The following BPTF variants were observed in gnomAD, a reference collection of about 807,000 sequenced individuals.
BPTF encodes the protein bromodomain PHD finger transcription factor, also known as nucleosome-remodeling factor subunit BPTF.
Under a neutral mutation model 292.5 loss-of-function variants are expected in BPTF, and 18 were observed. That is an observed-to-expected ratio of 0.06 (90% CI 0.04 to 0.09). BPTF has a LOEUF of 0.09. Ranked by LOEUF, BPTF falls within the 10% of genes least tolerant of loss-of-function variation. The pLI, the probability that BPTF is intolerant of heterozygous loss-of-function variation, is 1.00. For missense variants in BPTF, 2,726 were observed against 3,498.7 expected (o/e 0.78, Z 5.57); for synonymous variants, 1,225 against 1,251.9 (o/e 0.98, Z 0.45).
intron 7 of BPTF, among the ~76,000 whole-genome samples, chr17:67,895,103 A>G (rs980120003): frequency 6.6e-6 from 1 of 152,178 alleles, no homozygotes; most frequent in African/African-American, 2.4e-5. Flanking sequence ...AGTTTTTAAA[A>G]TATAAATACA....
intron 23 of BPTF, chr17:67,956,454 A>G (rs1219242245): frequency 1.3e-5 from 2 of 151,792 alleles, no homozygotes; most frequent in Non-Finnish European, 2.9e-5. Flanking sequence ...AGTAGCTGGC[A>G]CTATAGGCAT....
intron 3 of BPTF, among the ~76,000 whole-genome samples, chr17:67,867,327 T>C (rs1199844636): frequency 3.3e-5 from 5 of 152,266 alleles, no homozygotes; most frequent in African/African-American, 1.2e-4. Flanking sequence ...TTTGAACTTT[T>C]TGCCTTTTTA....
intron 26 of BPTF, 100 bp from the exon 27 acceptor site, chr17:67,975,672 G>A (rs892531314): frequency 9.4e-7 from 1 of 1,067,230 alleles, no homozygotes. Flanking sequence ...CTCCAGGACT[G>A]CTTGCACAGT....
intron 1 of BPTF, among the ~76,000 whole-genome samples, chr17:67,851,087 G>C (rs1414520780): frequency 6.6e-6 from 1 of 152,116 alleles, no homozygotes; most frequent in Admixed American, 6.5e-5. Flanking sequence ...GGAAGCAACA[G>C]CCTGGGCTCC....
Position 67,825,816 on chromosome 17 carries a change from C to G in BPTF, c.92C>G (p.Pro31Arg). Residue 31 changes from proline (P) to arginine (R), a missense_variant, in exon 1 of 28, where the codon CCC becomes CGC. Pro to Arg is a moderately radical substitution (Grantham distance 103, BLOSUM62 -2). This residue lies in a region of BPTF where 31 missense variants were observed against 53.6 expected (regional missense o/e 0.58). Coordinates refer to ENST00000306378, the MANE Select transcript of BPTF (RefSeq NM_182641.4). ...APAPPPPPPP[P>R]TSGPIGGLRS... is the part of the protein sequence containing the mutation. The stretch of plus-strand genomic sequence containing the variant: ...GCCCCGCCGCCACCGCCGCCGCCGC[C>G]CACGTCCGGACCCATCGGGGGGCTC... The G allele has an allele frequency of 3.9e-6, 4 of 1,024,780 alleles. No individual in the cohort carries two copies. The highest frequency in any genetic ancestry group is 4.7e-6 in the Non-Finnish European group (4 of 857,758). 63.5% of individuals were successfully genotyped at this position (1,024,780 alleles called of 1,614,324 possible).
intron 11 of BPTF, among the ~76,000 whole-genome samples, chr17:67,916,000 C>T (rs2062958348): frequency 6.6e-6 from 1 of 152,118 alleles, no homozygotes; most frequent in Non-Finnish European, 1.5e-5. Context: ...ACAAACTTTT[C>T]CTTGCAAATA....
intron 9 of BPTF, among the ~76,000 whole-genome samples, chr17:67,907,446 C>CCCGGGTT (rs2062303018): frequency 6.6e-6 from 1 of 151,464 alleles, no homozygotes. Flanking sequence ...ACCTCCACCT[C>CCCGGGTT]CCGGGTTCAA....
At position 67,944,272 on chromosome 17, in the gene BPTF, A is replaced by C. The variant is rs1555673322; in HGVS notation, c.6600A>C (p.Ala2200=). The C allele has an allele frequency of 6.2e-7, 1 of 1,614,176 alleles. No individual in the cohort carries two copies. Among genetic ancestry groups the C allele is most frequent in the East Asian group, 2.2e-5 (1 of 44,874 alleles). ...PGPGQQLMQA[A]MPNGTVQRFL... Reference sequence around the variant, plus strand: ...CAGGCCAGCAGCTAATGCAAGCTGCAATGCCAAATGGTACTGTTCAGCGAT... The same window carrying C: ...CAGGCCAGCAGCTAATGCAAGCTGCCATGCCAAATGGTACTGTTCAGCGAT... The change falls in exon 20 of 28, where the codon GCA becomes GCC. Residue 2200 remains alanine (A), a synonymous_variant. Coordinates refer to ENST00000306378, the MANE Select transcript of BPTF (RefSeq NM_182641.4).
At chr17:67,858,691 G>A (rs62084237) in intron 2 of BPTF, among the ~76,000 whole-genome samples, 28,705 of 141,022 alleles carry the variant, frequency 0.2, 1,780 homozygotes, top group East Asian at 0.56. Flanking sequence ...CGTTCACGCA[G>A]TCTCAAGTGC....
chr17:67,916,974 A>G (rs1458078593), intron 11 of BPTF, among the ~76,000 whole-genome samples: 1 of 152,046 alleles, frequency 6.6e-6, no homozygotes, highest in Non-Finnish European at 1.5e-5. Flanking sequence ...ATTTTAGGAC[A>G]TGATATTTAA....
chr17:67,902,471 C>T (rs567960206), intron 7 of BPTF, among the ~76,000 whole-genome samples: 17 of 152,282 alleles, frequency 1.1e-4, no homozygotes. Context: ...CTCCTTAGTT[C>T]CAAGCGTGTT....
At chr17:67,949,436 G>C (rs139428019) in intron 23 of BPTF, among the ~76,000 whole-genome samples, 1 of 151,698 alleles carries the variant, frequency 6.6e-6, no homozygotes, top group Non-Finnish European at 1.5e-5. Flanking sequence ...TTAGCTGGGC[G>C]TGGTGGCAGG....
At chr17:67,847,647 C>T (rs1598212854) in intron 1 of BPTF, among the ~76,000 whole-genome samples, 2 of 149,892 alleles carry the variant, frequency 1.3e-5, no homozygotes, top group East Asian at 3.9e-4. Flanking sequence ...TGCACTCCAG[C>T]CTGGGCGACA....
chr17:67,840,760 A>C (rs2057490630), intron 1 of BPTF, among the ~76,000 whole-genome samples: 1 of 150,716 alleles, frequency 6.6e-6, no homozygotes, highest in Non-Finnish European at 1.5e-5. Context: ...ATGGGGTTTC[A>C]CTATGTTGCC....
At chr17:67,875,125 A>C in intron 4 of BPTF, 105 bp downstream of exon 4, 3 of 947,208 alleles carry the variant, frequency 3.2e-6, no homozygotes, top group Non-Finnish European at 4.8e-6. Flanking sequence ...CAGCTACCTA[A>C]TTTAATATTT....
intron 17 of BPTF, among the ~76,000 whole-genome samples, chr17:67,930,115 CAAAAAAA>C (rs57367735): frequency 1.9e-5 from 2 of 107,832 alleles, no homozygotes; most frequent in Non-Finnish European, 4.3e-5. Context: ...GACCTTGTCT[CAAAAAAA>C]AAAAAAAAAA....
chr17:67,925,995 T>C (rs2063848579), intron 15 of BPTF, among the ~76,000 whole-genome samples: 1 of 102,986 alleles, frequency 9.7e-6, no homozygotes, highest in Admixed American at 9.5e-5. Context: ...CATATTACTT[T>C]TTTTTTTTTT....
intron 19 of BPTF, among the ~76,000 whole-genome samples, chr17:67,941,359 A>G (rs1487202391): frequency 1.3e-5 from 2 of 152,208 alleles, no homozygotes; most frequent in Non-Finnish European, 2.9e-5. Context: ...AGGCTGAGGA[A>G]GGAGAATTGC....
intron 26 of BPTF, among the ~76,000 whole-genome samples, chr17:67,972,760 T>C (rs1230461623): frequency 1.3e-5 from 2 of 151,940 alleles, no homozygotes; most frequent in East Asian, 3.9e-4. Flanking sequence ...AACCATACAA[T>C]GTCCAAGCAT....
Sources: gnomAD v4.1 joint callset for allele counts (sites outside exome capture counted in the v4.1 genomes callset) on GRCh38, gnomAD v4.1.1 for gene constraint, gnomAD v4.1.1 regional missense constraint, MANE v1.5 for transcripts, NCBI Gene and HGNC (gene_info 2026-07-23, HGNC 2026-07-21) for gene names.